The following MAJIN variants were observed in gnomAD, a reference collection of about 807,000 sequenced individuals.
MAJIN encodes the protein membrane-anchored junction protein.
In MAJIN, 27 loss-of-function variants were observed where a neutral mutation model predicts 30.2. The ratio of observed to expected loss-of-function variants is 0.89; its 90% CI spans 0.66 to 1.23. MAJIN has a LOEUF of 1.23. Among genes scored for constraint, MAJIN ranks in the 50% most tolerant of loss-of-function variants. The pLI is 0.00. For synonymous variants in MAJIN, 78 were observed against 91.6 expected (o/e 0.85, Z 0.85); for missense variants, 253 against 260.3 (o/e 0.97, Z 0.19).
chr11:64,956,299 C>CAAAT (rs906180608), intron 3 of MAJIN, among the ~76,000 whole-genome samples: 9 of 151,580 alleles, frequency 5.9e-5, no homozygotes, highest in East Asian at 3.9e-4. Flanking sequence ...AACTCCATCT[C>CAAAT]AAATAAATAA....
intron 1 of MAJIN, among the ~76,000 whole-genome samples, chr11:64,962,441 C>T (rs562852391): frequency 5.3e-5 from 6 of 113,458 alleles, no homozygotes; most frequent in Non-Finnish European, 9.6e-5. Context: ...GGTGATATTA[C>T]GTCCCAGTAA....
At chr11:64,948,218 G>C (rs1324351986) in intron 6 of MAJIN, among the ~76,000 whole-genome samples, 1 of 151,826 alleles carries the variant, frequency 6.6e-6, no homozygotes, top group African/African-American at 2.4e-5. Flanking sequence ...CTCCTCATGT[G>C]CCCTTCTCCC....
intron 8 of MAJIN, among the ~76,000 whole-genome samples, chr11:64,941,731 C>T (rs1264220778): frequency 2.6e-5 from 4 of 152,088 alleles, no homozygotes; most frequent in Admixed American, 2.0e-4. Flanking sequence ...GCTGAAAGGA[C>T]GTTAATGGAG....
intron 3 of MAJIN, among the ~76,000 whole-genome samples, 179 bp downstream of exon 3, chr11:64,959,126 T>C (rs1945683294): frequency 6.6e-6 from 1 of 151,396 alleles, no homozygotes; most frequent in Non-Finnish European, 1.5e-5. Flanking sequence ...TTGTCCCTCA[T>C]TTAGAAACTC....
At chr11:64,949,933 A>C in intron 5 of MAJIN, 65 bp from the exon 6 acceptor site, 1 of 1,563,922 alleles carries the variant, frequency 6.4e-7, no homozygotes. Context: ...TATTTTAGGG[A>C]TGAGACTCTC....
chr11:64,968,630 C>T (rs1363418325), intron 1 of MAJIN, among the ~76,000 whole-genome samples: 1 of 151,386 alleles, frequency 6.6e-6, no homozygotes, highest in Admixed American at 6.6e-5. Flanking sequence ...GTCAGGAGAT[C>T]GAGACCATCC....
intron 8 of MAJIN, among the ~76,000 whole-genome samples, chr11:64,941,648 C>T (rs535254495): frequency 6.6e-6 from 1 of 152,162 alleles, no homozygotes; most frequent in East Asian, 1.9e-4. Flanking sequence ...GAGACTCCAT[C>T]TCGAAAAAAA....
intron 5 of MAJIN, 94 bp from the exon 6 acceptor site, chr11:64,949,962 C>G: frequency 6.8e-7 from 1 of 1,471,438 alleles, no homozygotes; most frequent in South Asian, 1.2e-5. Flanking sequence ...CCCTGACCTA[C>G]CCTCCAAACT....
rs773021811 is a variant in MAJIN at position 64,950,355 on chromosome 11, A to G, written c.223T>C (p.Tyr75His). Reference sequence around the variant, plus strand: ...AAAAAAAAAAAAAAAAAAAGGATACAGGGAAATACAATGAAGTGTTCTGTA... The same window carrying G: ...AAAAAAAAAAAAAAAAAAAGGATACGGGGAAATACAATGAAGTGTTCTGTA... ...FATEHFIVFP[Y>H]KSKWERVSHL... The change falls in exon 5 of 11, where the codon TAT becomes CAT. Residue 75 changes from tyrosine (Y) to histidine (H), a missense_variant and splice_region_variant. Coordinates refer to ENST00000301896, the MANE Select transcript of MAJIN (RefSeq NM_001037225.3). 1.3e-6 allele frequency: 2 copies of G among 1,586,936 alleles called. No individual in the cohort carries two copies. Among genetic ancestry groups the G allele is most frequent in the Admixed American group, 3.6e-5 (2 of 55,794 alleles).
At chr11:64,950,593 T>C (rs1443799997) in intron 4 of MAJIN, among the ~76,000 whole-genome samples, 163 bp from the exon 5 acceptor site, 3 of 152,058 alleles carry the variant, frequency 2.0e-5, no homozygotes, top group Non-Finnish European at 4.4e-5. Context: ...TTTCTTTCTT[T>C]CTTTTTTTGA....
chr11:64,938,658 G>T, intron 10 of MAJIN, 85 bp from the exon 11 acceptor site: 1 of 1,432,476 alleles, frequency 7.0e-7, no homozygotes, highest in Non-Finnish European at 9.5e-7. Context: ...TCACTAGCTA[G>T]GGCATTTTTG....
At chr11:64,950,557 G>A (rs562017977) in intron 4 of MAJIN, 127 bp from the exon 5 acceptor site, 12 of 755,860 alleles carry the variant, frequency 1.6e-5, no homozygotes, top group Admixed American at 3.0e-5. Flanking sequence ...CCTTTAACAC[G>A]TGTTCTGATT....
chr11:64,969,484 C>T (rs1206263171), intron 1 of MAJIN, among the ~76,000 whole-genome samples: 1 of 149,244 alleles, frequency 6.7e-6, no homozygotes, highest in East Asian at 1.9e-4. Context: ...GACCAGATGG[C>T]TGTGACTTAA....
chr11:64,942,518 T>C (rs951826682), intron 8 of MAJIN, among the ~76,000 whole-genome samples: 2 of 152,028 alleles, frequency 1.3e-5, no homozygotes, highest in Admixed American at 1.3e-4. Flanking sequence ...TGGCGAAGAG[T>C]TCTACAGCAA....
At chr11:64,945,115 T>C (rs976846656) in intron 8 of MAJIN, among the ~76,000 whole-genome samples, 2 of 152,142 alleles carry the variant, frequency 1.3e-5, no homozygotes, top group Non-Finnish European at 2.9e-5. Context: ...CCCAGCACTT[T>C]GGGAGGCCGA....
intron 9 of MAJIN, 145 bp downstream of exon 9, chr11:64,940,429 T>C: frequency 1.3e-6 from 1 of 746,792 alleles, no homozygotes; most frequent in Non-Finnish European, 2.3e-6. Flanking sequence ...GACCAGAGGA[T>C]GGCTAACAAG....
At chr11:64,970,924 G>A (rs1169134680) in intron 1 of MAJIN, among the ~76,000 whole-genome samples, 1 of 152,178 alleles carries the variant, frequency 6.6e-6, no homozygotes. Context: ...TGTTTTCATG[G>A]CAACAGCTAG....
rs58387921 is a variant in MAJIN at position 64,966,145 on chromosome 11, G to GAAAAAAAAAAAAAAAAAA, written c.-65+5714_-65+5731dup. 9.3e-4 allele frequency among the ~76,000 whole-genome samples: 53 copies of GAAAAAAAAAAAAAAAAAA among 57,112 alleles called. 5 individuals are homozygous for GAAAAAAAAAAAAAAAAAA. The highest frequency in any genetic ancestry group is 1.5e-3 in the Admixed American group (5 of 3,378). 37.5% of individuals were successfully genotyped at this position (57,112 alleles called of 152,430 possible). ...ACATGTAAGGAAGAAGATTAAAAAT[G>GAAAAAAAAAAAAAAAAAA]AAAAAAAAAAAAAAAAAAAAGCAGC... On this transcript the variant is annotated intron_variant, in intron 1 of 10. Coordinates refer to ENST00000301896, the MANE Select transcript of MAJIN (RefSeq NM_001037225.3).
intron 8 of MAJIN, 68 bp from the exon 9 acceptor site, chr11:64,940,714 T>C: frequency 7.0e-7 from 1 of 1,427,144 alleles, no homozygotes; most frequent in Non-Finnish European, 9.9e-7. Context: ...CTGAATGCTA[T>C]TTGCTGGTGA....
Sources: gnomAD v4.1 joint callset for allele counts (sites outside exome capture counted in the v4.1 genomes callset) on GRCh38, gnomAD v4.1.1 for gene constraint, MANE v1.5 for transcripts, NCBI Gene and HGNC (gene_info 2026-07-23, HGNC 2026-07-21) for gene names.